Variants in DGKI observed in about 807,000 individuals in gnomAD.
DGKI encodes the protein diacylglycerol kinase iota.
Under a neutral mutation model 147.5 loss-of-function variants are expected in DGKI, and 55 were observed. The observed-to-expected ratio is 0.37, with a 90% CI of 0.30 to 0.47. DGKI has a LOEUF of 0.47. Ranked by LOEUF, DGKI falls within the 20% of genes least tolerant of loss-of-function variation. The probability of loss-of-function intolerance (pLI) is 1.00; values close to 1 mark genes in which losing one functional copy is unlikely to be tolerated. For missense variants in DGKI, 1,007 were observed against 1,323.8 expected (o/e 0.76, Z 3.71); for synonymous variants, 469 against 477.1 (o/e 0.98, Z 0.22).
At chr7:137,552,225 C>T (rs1818070250) in intron 20 of DGKI, 144 bp downstream of exon 20, 8 of 741,546 alleles carry the variant, frequency 1.1e-5, no homozygotes, top group Non-Finnish European at 1.8e-5. Context: ...CTATGTGTTC[C>T]TATGAGAGAA....
chr7:137,566,449 G>C lies in DGKI; in HGVS notation c.1947+4726C>G, dbSNP rs557939126. 3.9e-5 allele frequency among the ~76,000 whole-genome samples: 6 copies of C among 152,112 alleles called. No homozygotes were observed. In the South Asian group the frequency reaches 1.2e-3, roughly 32 times the overall value. On this transcript the variant is annotated intron_variant, in intron 19 of 32. Transcript: ENST00000614521. ...TCTAAAAAGAGAGAAATATATGCCA[G>C]TATACATTTAGAGGTCATAGAATGT...
chr7:137,610,871 C>T (rs1050081700), intron 8 of DGKI, among the ~76,000 whole-genome samples: 1 of 151,990 alleles, frequency 6.6e-6, no homozygotes, highest in African/African-American at 2.4e-5. Context: ...CTGTGTTCAC[C>T]GGGGATGAGG....
intron 14 of DGKI, among the ~76,000 whole-genome samples, chr7:137,583,350 A>G (rs1049080502): frequency 2.0e-5 from 3 of 152,178 alleles, no homozygotes; most frequent in African/African-American, 7.2e-5. Context: ...TAAACAAAAT[A>G]CCAGTTCTTA....
At chr7:137,434,458 G>A (rs947249646) in intron 28 of DGKI, among the ~76,000 whole-genome samples, 3 of 152,060 alleles carry the variant, frequency 2.0e-5, no homozygotes, top group Non-Finnish European at 4.4e-5. Flanking sequence ...GTGCACGCCT[G>A]TAATCCCAGC....
intron 11 of DGKI, among the ~76,000 whole-genome samples, chr7:137,598,916 A>C (rs2128988762): frequency 6.6e-6 from 1 of 152,174 alleles, no homozygotes; most frequent in East Asian, 1.9e-4. Context: ...CTTGCAGCAA[A>C]CTCAACTGGT....
At chr7:137,752,133 C>T (rs780057697) in intron 1 of DGKI, among the ~76,000 whole-genome samples, 5 of 152,114 alleles carry the variant, frequency 3.3e-5, no homozygotes, top group African/African-American at 4.8e-5. Context: ...CTCTTCTATC[C>T]TATTCCAAAA....
At chr7:137,462,835 T>C (rs978339548) in intron 27 of DGKI, among the ~76,000 whole-genome samples, 3 of 152,094 alleles carry the variant, frequency 2.0e-5, no homozygotes, top group African/African-American at 7.2e-5. Flanking sequence ...GAGGAGATGA[T>C]AGGGAGGTGG....
chr7:137,780,095 G>T (rs1412398229), intron 1 of DGKI, among the ~76,000 whole-genome samples: 1 of 152,160 alleles, frequency 6.6e-6, no homozygotes, highest in East Asian at 1.9e-4. Context: ...TTCCATAGTA[G>T]TCCTGTATTC....
At chr7:137,667,143 G>T (rs896466923) in intron 3 of DGKI, among the ~76,000 whole-genome samples, 1 of 152,070 alleles carries the variant, frequency 6.6e-6, no homozygotes, top group Non-Finnish European at 1.5e-5. Flanking sequence ...ATTTGTGCCA[G>T]CAGGTCAAAG....
chr7:137,486,356 A>T (rs1352850554), intron 22 of DGKI, among the ~76,000 whole-genome samples: 5 of 152,096 alleles, frequency 3.3e-5, no homozygotes, highest in East Asian at 1.9e-4. Flanking sequence ...TGTTAATTTT[A>T]AAAAAAGGTA....
intron 24 of DGKI, among the ~76,000 whole-genome samples, chr7:137,468,483 A>G (rs1814747868): frequency 6.6e-6 from 1 of 152,224 alleles, no homozygotes; most frequent in Admixed American, 6.5e-5. Flanking sequence ...TCTCATTGCT[A>G]TGGAATAAAG....
rs530504191 is a variant in DGKI, at chr7:137,742,112, C to T, written c.402-52110G>A. On this transcript the variant is annotated intron_variant, in intron 1 of 32. Transcript: ENST00000614521. ...CCCATAAACAGTTCCTGGGTAGAGT[C>T]GGATTTATAGTGTACCTTCTTCCAA... Among the ~76,000 whole-genome samples, 18 of 152,176 alleles carry T rather than the reference C, an allele frequency of 1.2e-4. 1 individual carries two copies. In the South Asian group the frequency reaches 2.5e-3, roughly 21 times the overall value.
chr7:137,405,538 C>T (rs1272823847), intron 30 of DGKI, among the ~76,000 whole-genome samples: 3 of 152,196 alleles, frequency 2.0e-5, no homozygotes, highest in Non-Finnish European at 4.4e-5. Flanking sequence ...GAGACCGGGA[C>T]ATAAGGGAGT....
intron 1 of DGKI, among the ~76,000 whole-genome samples, chr7:137,837,005 G>T (rs1009125974): frequency 6.6e-6 from 1 of 152,162 alleles, no homozygotes; most frequent in African/African-American, 2.4e-5. Context: ...TAATGGGAAA[G>T]GGTGAAAAGA....
intron 1 of DGKI, among the ~76,000 whole-genome samples, chr7:137,806,627 G>C (rs1053332422): frequency 6.6e-6 from 1 of 152,088 alleles, no homozygotes; most frequent in Non-Finnish European, 1.5e-5. Context: ...TAGAGATGGG[G>C]TTTCACCGTG....
chr7:137,664,763 T>C (rs1207015247), intron 3 of DGKI, among the ~76,000 whole-genome samples: 2 of 152,136 alleles, frequency 1.3e-5, no homozygotes, highest in African/African-American at 4.8e-5. Context: ...TTTGATCTCA[T>C]AGAAATTATA....
chr7:137,647,909 A>G (rs1227205658), intron 5 of DGKI, among the ~76,000 whole-genome samples: 1 of 152,216 alleles, frequency 6.6e-6, no homozygotes, highest in Non-Finnish European at 1.5e-5. Flanking sequence ...CATTTTACAG[A>G]TAAGGAAACT....
chr7:137,391,441 A>G (rs879273304), intron 32 of DGKI, 105 bp from the exon 33 acceptor site: 6 of 778,016 alleles, frequency 7.7e-6, no homozygotes, highest in Non-Finnish European at 1.2e-5. Context: ...AATCACAGAA[A>G]CAGAACTACG....
chr7:137,590,631 C>G (rs1370365284), intron 12 of DGKI, among the ~76,000 whole-genome samples: 1 of 152,180 alleles, frequency 6.6e-6, no homozygotes, highest in Non-Finnish European at 1.5e-5. Flanking sequence ...GGAACACAAA[C>G]AATTTCCAAA....
Sources: allele counts gnomAD v4.1 joint callset (sites outside exome capture counted in the v4.1 genomes callset), GRCh38; gene constraint gnomAD v4.1.1; transcripts MANE v1.5; gene names NCBI Gene and HGNC (gene_info 2026-07-23, HGNC 2026-07-21).